GPR15LG: variants seen among roughly 807,000 people sequenced by gnomAD.
GPR15LG encodes G protein-coupled receptor 15 ligand.
chr10:84,180,744 G>T, the GPR15LG span, among the ~76,000 whole-genome samples: 1 of 152,248 alleles, frequency 6.6e-6, no homozygotes, highest in Non-Finnish European at 1.5e-5. Context: ...GCGGCTGGGA[G>T]GTGGAGGTTG....
the GPR15LG span, among the ~76,000 whole-genome samples, chr10:84,179,252 G>A: frequency 4.6e-5 from 7 of 152,186 alleles, no homozygotes; most frequent in South Asian, 2.1e-4. Flanking sequence ...ATGATGAGCC[G>A]TCGATGGGTT....
chr10:84,173,984 C>G, the GPR15LG span: 5 of 1,322,402 alleles, frequency 3.8e-6, no homozygotes, highest in Non-Finnish European at 5.4e-6. Flanking sequence ...AGACTCTGAT[C>G]AGGATTTGTT....
chr10:84,184,689 G>A, the GPR15LG span: 30 of 1,613,866 alleles, frequency 1.9e-5, no homozygotes, highest in Non-Finnish European at 2.4e-5. Flanking sequence ...AGGACATCAT[G>A]TGAGGCTCTG....
the GPR15LG span, among the ~76,000 whole-genome samples, chr10:84,180,017 G>A: frequency 2.1e-4 from 32 of 152,268 alleles, no homozygotes; most frequent in Admixed American, 5.2e-4. Flanking sequence ...CCTAGGCAGA[G>A]GGCCTTGCCA....
the GPR15LG span, among the ~76,000 whole-genome samples, chr10:84,177,072 G>A: frequency 6.6e-6 from 1 of 152,186 alleles, no homozygotes; most frequent in Non-Finnish European, 1.5e-5. Context: ...GCAGGGGAGT[G>A]GGCCTGAGGG....
chr10:84,174,088 G>A, the GPR15LG span, among the ~76,000 whole-genome samples: 116 of 152,292 alleles, frequency 7.6e-4, no homozygotes, highest in African/African-American at 2.7e-3. Flanking sequence ...TGGGGCTCAG[G>A]ACTGCCTGCA....
the GPR15LG span, chr10:84,174,054 C>T: frequency 2.8e-6 from 2 of 711,098 alleles, no homozygotes; most frequent in Non-Finnish European, 4.9e-6. Context: ...GAAAGATGGG[C>T]TCTTTCTCCT....
At chr10:84,179,074 C>A in the GPR15LG span, among the ~76,000 whole-genome samples, 3,906 of 152,306 alleles carry the variant, frequency 0.026, 90 homozygotes, top group Admixed American at 0.059. Flanking sequence ...TGAAGACATG[C>A]GCGTGCAAGC....
the GPR15LG span, chr10:84,184,538 A>G: frequency 4.6e-6 from 4 of 865,622 alleles, no homozygotes; most frequent in Non-Finnish European, 7.4e-6. Context: ...AAAGCATAAG[A>G]TCTAATTCTT....
chr10:84,182,630 A>G, the GPR15LG span, among the ~76,000 whole-genome samples: 1 of 152,238 alleles, frequency 6.6e-6, no homozygotes, highest in Admixed American at 6.5e-5. Flanking sequence ...GGAAACACGT[A>G]AGGCCTCTTG....
At chr10:84,183,152 T>A in the GPR15LG span, among the ~76,000 whole-genome samples, 9 of 152,326 alleles carry the variant, frequency 5.9e-5, no homozygotes, top group South Asian at 1.9e-3. Context: ...TTACTAGGTG[T>A]GGGTGGCACT....
At chr10:84,178,408 C>T in the GPR15LG span, among the ~76,000 whole-genome samples, 1 of 151,920 alleles carries the variant, frequency 6.6e-6, no homozygotes, top group Non-Finnish European at 1.5e-5. Flanking sequence ...TACATCTACA[C>T]ACAAACACAT....
At chr10:84,184,278 A>T in the GPR15LG span, among the ~76,000 whole-genome samples, 14 of 152,222 alleles carry the variant, frequency 9.2e-5, no homozygotes, top group African/African-American at 3.4e-4. Flanking sequence ...GTTTTGGGAC[A>T]CGTTGCCTGG....
At chr10:84,177,226 GA>G in the GPR15LG span, among the ~76,000 whole-genome samples, 3 of 152,242 alleles carry the variant, frequency 2.0e-5, no homozygotes, top group African/African-American at 7.2e-5. Context: ...GCCTGTGGCG[GA>G]CAGGCCCAAG....
the GPR15LG span, among the ~76,000 whole-genome samples, chr10:84,181,669 C>T: frequency 6.6e-6 from 1 of 151,836 alleles, no homozygotes; most frequent in Admixed American, 6.6e-5. Flanking sequence ...AACCCTCCTG[C>T]CTTGGCCTCC....
chr10:84,183,795 G>T, the GPR15LG span, among the ~76,000 whole-genome samples: 2,081 of 151,984 alleles, frequency 0.014, 41 homozygotes, highest in African/African-American at 0.047. Context: ...ACAGGCGTGC[G>T]CCACCATGCC....
At chr10:84,182,931 C>T in the GPR15LG span, among the ~76,000 whole-genome samples, 115 of 151,782 alleles carry the variant, frequency 7.6e-4, no homozygotes, top group African/African-American at 2.8e-3. Context: ...GTGGAAAATG[C>T]TCATGAAATG....
the GPR15LG span, chr10:84,176,442 A>G: frequency 6.8e-7 from 1 of 1,462,676 alleles, no homozygotes; most frequent in South Asian, 1.1e-5. Flanking sequence ...AGACAAGCCC[A>G]CTAAAGACAG....
chr10:84,178,009 A>C, the GPR15LG span, among the ~76,000 whole-genome samples: 1 of 152,126 alleles, frequency 6.6e-6, no homozygotes, highest in African/African-American at 2.4e-5. Context: ...ACACAACCAC[A>C]CACACAGACA....
Sources: allele counts gnomAD v4.1 joint callset (sites outside exome capture counted in the v4.1 genomes callset), GRCh38; gene constraint gnomAD v4.1.1; transcripts MANE v1.5; gene names NCBI Gene and HGNC (gene_info 2026-07-23, HGNC 2026-07-21).